Variants in FSTL5 observed in about 807,000 individuals in gnomAD.
FSTL5 encodes the protein follistatin like 5.
A neutral mutation model predicts 89.1 loss-of-function variants in FSTL5; 62 were observed. The ratio of observed to expected loss-of-function variants is 0.70; its 90% CI spans 0.57 to 0.86. FSTL5 has a LOEUF of 0.86. Ranked by LOEUF, FSTL5 falls within the 40% of genes least tolerant of loss-of-function variation. The pLI, the probability that FSTL5 is intolerant of heterozygous loss-of-function variation, is 0.00. For missense variants in FSTL5, 1,057 were observed against 1,001.6 expected (o/e 1.06, Z -0.75); for synonymous variants, 383 against 346.2 (o/e 1.11, Z -1.18).
At chr4:162,010,056 A>C (rs1736717270) in intron 3 of FSTL5, among the ~76,000 whole-genome samples, 1 of 151,120 alleles carries the variant, frequency 6.6e-6, no homozygotes, top group Admixed American at 6.6e-5. Context: ...ATAAGTAGAG[A>C]TTCTGAATGA....
intron 6 of FSTL5, among the ~76,000 whole-genome samples, chr4:161,715,703 A>G (rs1287673259): frequency 1.3e-5 from 2 of 152,202 alleles, no homozygotes; most frequent in African/African-American, 2.4e-5. Context: ...GCATCTGTAC[A>G]TATTAGATAC....
At chr4:161,895,229 A>G (rs569188395) in intron 4 of FSTL5, among the ~76,000 whole-genome samples, 3 of 152,306 alleles carry the variant, frequency 2.0e-5, no homozygotes, top group African/African-American at 7.2e-5. Flanking sequence ...TAATTATTAT[A>G]TTTCCAAATA....
rs563301338 is a variant in FSTL5 at position 161,425,396 on chromosome 4, T to C, written c.1841+29608A>G. On this transcript the variant is annotated intron_variant, in intron 15 of 15. Coordinates refer to ENST00000306100, the MANE Select transcript of FSTL5 (RefSeq NM_020116.5). ...TCCAAAGAATATGGGTGTGTCTGTC[T>C]CTGGCAGAATGTCAGCAGAACAGGT... Among the ~76,000 whole-genome samples the C allele has an allele frequency of 5.5e-4, 84 of 152,324 alleles. 3 individuals carry two copies. The South Asian group carries it at 0.017, about 31-fold the overall frequency.
intron 11 of FSTL5, among the ~76,000 whole-genome samples, chr4:161,505,976 C>T (rs10006537): frequency 0.017 from 2,581 of 152,254 alleles, 67 homozygotes; most frequent in African/African-American, 0.058. Context: ...CCCCCAATGC[C>T]ATGACTAAAT....
chr4:161,753,302 G>C (rs769011244), intron 6 of FSTL5, among the ~76,000 whole-genome samples: 1 of 151,866 alleles, frequency 6.6e-6, no homozygotes, highest in African/African-American at 2.4e-5. Context: ...ATCTCTTCCC[G>C]TGACCCCTGC....
At chr4:161,504,608 G>A (rs1730413391) in intron 11 of FSTL5, among the ~76,000 whole-genome samples, 2 of 151,702 alleles carry the variant, frequency 1.3e-5, no homozygotes, top group East Asian at 1.9e-4. Context: ...TTCCTTAAGA[G>A]CTTTCTTTCT....
chr4:161,766,037 C>T (rs990678718), intron 5 of FSTL5, among the ~76,000 whole-genome samples: 10 of 152,128 alleles, frequency 6.6e-5, no homozygotes, highest in Non-Finnish European at 1.3e-4. Context: ...TCATGATCCA[C>T]CCACCTCCGC....
intron 6 of FSTL5, among the ~76,000 whole-genome samples, chr4:161,659,119 TAGAATAA>T (rs1736623810): frequency 6.6e-6 from 1 of 152,176 alleles, no homozygotes; most frequent in Non-Finnish European, 1.5e-5. Context: ...GATGTGTAAT[TAGAATAA>T]AGAATTACTA....
At chr4:161,710,337 G>T (rs1230926850) in intron 6 of FSTL5, among the ~76,000 whole-genome samples, 1 of 152,076 alleles carries the variant, frequency 6.6e-6, no homozygotes, top group Non-Finnish European at 1.5e-5. Flanking sequence ...GATTAGTTAG[G>T]TTAAGAACAT....
chr4:162,134,531 A>AAAACC (rs1222871514), intron 1 of FSTL5, among the ~76,000 whole-genome samples: 1 of 152,146 alleles, frequency 6.6e-6, no homozygotes, highest in Non-Finnish European at 1.5e-5. Context: ...AAAACAAAAC[A>AAAACC]ACTTAATAAC....
intron 5 of FSTL5, among the ~76,000 whole-genome samples, chr4:161,765,081 A>G (rs895198207): frequency 3.3e-5 from 5 of 152,194 alleles, no homozygotes; most frequent in African/African-American, 9.6e-5. Flanking sequence ...GAAATTGCCA[A>G]CACTACTAAG....
chr4:162,033,672 A>G lies in FSTL5; in HGVS notation c.127-14T>C. 6.9e-7 allele frequency: 1 copy of G among 1,446,188 alleles called. No individual in the cohort carries two copies. The highest frequency in any genetic ancestry group is 9.5e-7 in the Non-Finnish European group (1 of 1,047,644). 89.6% of individuals were successfully genotyped at this position (1,446,188 alleles called of 1,614,324 possible). On this transcript the variant is annotated splice_polypyrimidine_tract_variant and intron_variant, in intron 2 of 15. Coordinates refer to ENST00000306100, the MANE Select transcript of FSTL5 (RefSeq NM_020116.5). ...ATTTTTTTCCTGCTGGAAATAAAAC[A>G]GAAAATAGGTCAAAATATGTAAGTA...
chr4:161,756,857 C>A lies in FSTL5; in HGVS notation c.727+2554G>T, dbSNP rs746270115. Among the ~76,000 whole-genome samples the A allele has an allele frequency of 3.9e-5, 6 of 152,130 alleles. No homozygotes were observed. In the South Asian group the frequency reaches 1.2e-3, roughly 32 times the overall value. ...ATTTTGAATAAATATCTTACACAAA[C>A]ATATCCATTTAATACTCTTGTTGAT... On this transcript the variant is annotated intron_variant, in intron 6 of 15. Coordinates refer to ENST00000306100, the MANE Select transcript of FSTL5 (RefSeq NM_020116.5).
At chr4:161,973,880 T>G (rs897499031) in intron 3 of FSTL5, among the ~76,000 whole-genome samples, 3 of 152,148 alleles carry the variant, frequency 2.0e-5, no homozygotes, top group African/African-American at 4.8e-5. Context: ...GCCCAAAATC[T>G]CCTTAAGCTG....
At chr4:161,755,744 GC>G in intron 6 of FSTL5, among the ~76,000 whole-genome samples, 1 of 152,152 alleles carries the variant, frequency 6.6e-6, no homozygotes, top group Non-Finnish European at 1.5e-5. Context: ...TTTGTAAGTA[GC>G]TTTGACTATC....
intron 12 of FSTL5, among the ~76,000 whole-genome samples, chr4:161,484,426 T>A (rs1446908150): frequency 6.6e-6 from 1 of 152,180 alleles, no homozygotes; most frequent in Non-Finnish European, 1.5e-5. Context: ...TCAATTTTTC[T>A]TATAATTTTA....
chr4:161,970,238 A>C (rs545149455), intron 3 of FSTL5, among the ~76,000 whole-genome samples: 1 of 152,264 alleles, frequency 6.6e-6, no homozygotes, highest in East Asian at 1.9e-4. Context: ...GAAAAGGTAG[A>C]GACAGATTTT....
At chr4:161,878,214 T>C (rs909509494) in intron 4 of FSTL5, among the ~76,000 whole-genome samples, 23 of 152,152 alleles carry the variant, frequency 1.5e-4, no homozygotes, top group African/African-American at 5.1e-4. Flanking sequence ...ACTTCCTAAA[T>C]TGCCTTTTAA....
At chr4:161,892,807 G>A (rs1733029852) in intron 4 of FSTL5, among the ~76,000 whole-genome samples, 4 of 152,054 alleles carry the variant, frequency 2.6e-5, no homozygotes, top group African/African-American at 9.6e-5. Flanking sequence ...GTTCTATTTT[G>A]AAAGAAATGT....
Sources: allele counts gnomAD v4.1 joint callset (sites outside exome capture counted in the v4.1 genomes callset), GRCh38; gene constraint gnomAD v4.1.1; transcripts MANE v1.5; gene names NCBI Gene and HGNC (gene_info 2026-07-23, HGNC 2026-07-21).